TESK1: variants seen among roughly 807,000 people sequenced by gnomAD.
The protein encoded by TESK1 is dual specificity testis-specific protein kinase 1.
In TESK1, 18 loss-of-function variants were observed where a neutral mutation model predicts 59.9. The observed-to-expected ratio is 0.30, with a 90% CI of 0.21 to 0.45. TESK1 has a LOEUF of 0.45. Among genes scored for constraint, TESK1 ranks in the 20% least tolerant of loss-of-function variants. The pLI, the probability that TESK1 is intolerant of heterozygous loss-of-function variation, is 1.00. For missense variants in TESK1, 748 were observed against 840.9 expected, an observed-to-expected ratio of 0.89 and a Z score of 1.37; for synonymous variants, 341 against 357.4, an observed-to-expected ratio of 0.95 and a Z score of 0.52.
chr9:35,609,856 CGTG>C lies in TESK1; in HGVS notation c.*115_*117del. On this transcript the variant is annotated 3_prime_UTR_variant, in exon 10 of 10. Coordinates refer to ENST00000336395, the MANE Select transcript of TESK1 (RefSeq NM_006285.3). This position sits in a 1 kb window ranked among gnomAD's most constrained non-coding sequence, Gnocchi z 6.7. ...AGATGGGCTGACCGGCTCTTCTCCCCGTGTAGGGGAGCCCCAGCATGGACTCAA... is the reference window on the plus strand; with the variant it reads ...AGATGGGCTGACCGGCTCTTCTCCCCTAGGGGAGCCCCAGCATGGACTCAA... 7.8e-7 allele frequency: 1 copy of C among 1,277,968 alleles called. No individual in the cohort carries two copies. Among genetic ancestry groups the C allele is most frequent in the Non-Finnish European group, 1.0e-6 (1 of 957,808 alleles). 79.2% of individuals were successfully genotyped at this position (1,277,968 alleles called of 1,614,324 possible).
chr9:35,606,883 C>T lies in TESK1; in HGVS notation c.437C>T (p.Pro146Leu), dbSNP rs1822860185. 1.9e-6 allele frequency: 3 copies of T among 1,613,716 alleles called. No homozygotes were observed. The East Asian group carries it at 6.7e-5, about 36-fold the overall frequency. Residue 146 changes from proline (P) to leucine (L), a missense_variant, in exon 4 of 10, where the codon CCC (proline) becomes CTC (leucine). Transcript: ENST00000336395. ...GAACAGCTGCTCAGCTCCCCTGAAC[C>T]CCTGTCCTGGCCGGTCAGGCTCCAC... ...TLEQLLSSPE[P>L]LSWPVRLHLA...
Position 35,607,825 on chromosome 9 carries a change from C to T in TESK1, c.712-103C>T. The T allele has an allele frequency of 7.3e-7, 1 of 1,373,602 alleles. No individual in the cohort carries two copies. Among genetic ancestry groups the T allele is most frequent in the Non-Finnish European group, 1.0e-6 (1 of 983,858 alleles). The allele number at this position is 1,373,602 out of a possible 1,614,324, so 85.1% of individuals were successfully genotyped here. ...CAGGCACCCTTCTAACACATGAAAA[C>T]TGTCAAGATCCCCCACCCTCAACCA... On this transcript the variant is annotated intron_variant, in intron 6 of 9. Transcript: ENST00000336395. This position sits in a 1 kb window ranked among gnomAD's most constrained non-coding sequence, Gnocchi z 4.5.
rs1163792631 is a variant in TESK1, at chr9:35,605,483, C to T, written c.-137C>T. ...GCGGGGGCGGGTCCAGGATCTTCGG[C>T]GGATCTTCCATTCTCAGGGCGGGAG... On this transcript the variant is annotated 5_prime_UTR_variant, in exon 1 of 10. Coordinates refer to ENST00000336395, the MANE Select transcript of TESK1 (RefSeq NM_006285.3). The T allele has an allele frequency of 3.8e-6, 1 of 262,080 alleles. No individual in the cohort carries two copies. Among genetic ancestry groups the T allele is most frequent in the Non-Finnish European group, 7.1e-6 (1 of 141,514 alleles). 16.2% of individuals were successfully genotyped at this position (262,080 alleles called of 1,614,324 possible). A position where few individuals can be genotyped will look rare whatever the true frequency, so the allele number is the denominator to read the frequency against.
At position 35,609,230 on chromosome 9, in the gene TESK1, C is replaced by T. The variant is rs755094261; in HGVS notation, c.1369C>T (p.Pro457Ser). ...GGAGACAGCACTGCCAGGTCCTGGCCCTCCCGCTGTGGGCCCCTCGGCTGA... is the reference window on the plus strand; with the variant it reads ...GGAGACAGCACTGCCAGGTCCTGGCTCTCCCGCTGTGGGCCCCTCGGCTGA... ...RMETALPGPG[P>S]PAVGPSAEEK... The change falls in exon 10 of 10, where the codon CCT becomes TCT. Residue 457 changes from proline (P) to serine (S), a missense_variant. Coordinates refer to ENST00000336395, the MANE Select transcript of TESK1 (RefSeq NM_006285.3). The surrounding 1 kb of genome is among the most constrained non-coding windows in gnomAD (Gnocchi z 6.7). 1.4e-5 allele frequency: 23 copies of T among 1,613,974 alleles called. No homozygotes were observed. In the South Asian group the frequency reaches 2.3e-4, roughly 16 times the overall value.
rs571781197 is a variant in TESK1 at position 35,609,857 on chromosome 9, G to T, written c.*115G>T. Reference sequence around the variant, plus strand: ...GATGGGCTGACCGGCTCTTCTCCCCGTGTAGGGGAGCCCCAGCATGGACTC... The same window carrying T: ...GATGGGCTGACCGGCTCTTCTCCCCTTGTAGGGGAGCCCCAGCATGGACTC... On this transcript the variant is annotated 3_prime_UTR_variant, in exon 10 of 10. Transcript: ENST00000336395. The surrounding 1 kb of genome is among the most constrained non-coding windows in gnomAD (Gnocchi z 6.7). The T allele has an allele frequency of 9.6e-6, 12 of 1,246,062 alleles. No individual in the cohort carries two copies. Among genetic ancestry groups the T allele is most frequent in the Admixed American group, 2.9e-5 (1 of 34,372 alleles). The allele number at this position is 1,246,062 out of a possible 1,614,324, so 77.2% of individuals were successfully genotyped here.
rs753224133 is a variant in TESK1 at position 35,607,700 on chromosome 9, A to C, written c.711+28A>C. On this transcript the variant is annotated intron_variant, in intron 6 of 9. Coordinates refer to ENST00000336395, the MANE Select transcript of TESK1 (RefSeq NM_006285.3). This position sits in a 1 kb window ranked among gnomAD's most constrained non-coding sequence, Gnocchi z 4.5. The stretch of plus-strand genomic sequence containing the variant: ...GAGACATCAACCCTTCAGATCCCCA[A>C]GGCCTTCCGAGACCCTTGAGGTATT... The C allele has an allele frequency of 1.3e-6, 2 of 1,579,458 alleles. No homozygotes were observed. The highest frequency in any genetic ancestry group is 3.4e-5 in the Admixed American group (2 of 59,642).
Position 35,607,308 on chromosome 9 carries a change from C to A in TESK1, c.538-19C>A. 6.2e-7 allele frequency: 1 copy of A among 1,613,310 alleles called. No homozygotes were observed. The highest frequency in any genetic ancestry group is 8.5e-7 in the Non-Finnish European group (1 of 1,179,342). On this transcript the variant is annotated intron_variant, in intron 4 of 9. Transcript: ENST00000336395. This position sits in a 1 kb window ranked among gnomAD's most constrained non-coding sequence, Gnocchi z 4.5. The stretch of plus-strand genomic sequence containing the variant: ...AGAAGGTGATGAGTGCGTGGGGATA[C>A]TATGTGTGTGTGTGTCAGAACTGTC...
rs1691730707 is a variant in TESK1 at position 35,607,493 on chromosome 9, G to A, written c.620+84G>A. On this transcript the variant is annotated intron_variant, in intron 5 of 9. Transcript: ENST00000336395. This position sits in a 1 kb window ranked among gnomAD's most constrained non-coding sequence, Gnocchi z 4.5. Reference sequence around the variant, plus strand: ...CAGAGCCCCAGGGATGTTTCCCTTGGGGAACGGAGGGAGTTCACCTCATCC... The same window carrying A: ...CAGAGCCCCAGGGATGTTTCCCTTGAGGAACGGAGGGAGTTCACCTCATCC... 6 of 1,588,878 alleles carry A rather than the reference G, an allele frequency of 3.8e-6. No individual in the cohort carries two copies. Among genetic ancestry groups the A allele is most frequent in the Non-Finnish European group, 5.2e-6 (6 of 1,157,686 alleles).
At chr9:35,605,871 C>T (rs1375981731) in intron 1 of TESK1, 33 bp downstream of exon 1, 3 of 1,607,134 alleles carry the variant, frequency 1.9e-6, no homozygotes, top group Non-Finnish European at 2.5e-6. Context: ...AGGGGCGGGA[C>T]CGAGCCTTCA....
chr9:35,606,195 C>T, intron 2 of TESK1, 42 bp from the exon 3 acceptor site: 1 of 1,614,124 alleles, frequency 6.2e-7, no homozygotes, highest in African/African-American at 1.3e-5. Flanking sequence ...GGAGCTGAGG[C>T]CTTTAATAGC....
Position 35,607,161 on chromosome 9 carries a change from G to C in TESK1, c.538-166G>C. On this transcript the variant is annotated intron_variant, in intron 4 of 9. Coordinates refer to ENST00000336395, the MANE Select transcript of TESK1 (RefSeq NM_006285.3). The surrounding 1 kb of genome is among the most constrained non-coding windows in gnomAD (Gnocchi z 4.5). ...GCTCGGAGGGACTGAGTAGCACCCT[G>C]TGTTTGGAGTGTTGGATGATGTTGC... 2.5e-6 allele frequency: 3 copies of C among 1,214,060 alleles called. No homozygotes were observed. The highest frequency in any genetic ancestry group is 3.5e-6 in the Non-Finnish European group (3 of 861,210). The allele number at this position is 1,214,060 out of a possible 1,614,324, so 75.2% of individuals were successfully genotyped here.
chr9:35,609,617 C>T lies in TESK1; in HGVS notation c.1756C>T (p.Arg586Cys), dbSNP rs373777485. 4.0e-5 allele frequency: 64 copies of T among 1,611,150 alleles called. No homozygotes were observed. The highest frequency in any genetic ancestry group is 9.3e-5 in the African/African-American group (7 of 74,946). Residue 586 changes from arginine to cysteine, a missense_variant, in exon 10 of 10, where the codon CGC (arginine) becomes TGC (cysteine). This residue lies in a region of TESK1 where 447 missense variants were observed against 466.1 expected (regional missense o/e 0.96). Transcript: ENST00000336395. The surrounding 1 kb of genome is among the most constrained non-coding windows in gnomAD (Gnocchi z 6.7). The part of the protein sequence containing the change: ...FSFGFLSMCP[R>C]PTPAVARYRN... ...CTTTGGCTTCCTGTCCATGTGCCCC[C>T]GCCCCACACCAGCTGTTGCCCGCTA...
chr9:35,608,572 AG>A (rs1194978298), intron 9 of TESK1, 63 bp downstream of exon 9: 1 of 1,428,268 alleles, frequency 7.0e-7, no homozygotes, highest in Non-Finnish European at 9.7e-7. Context: ...TAGAATTCAG[AG>A]GTGACATGGG....
intron 3 of TESK1, 87 bp downstream of exon 3, chr9:35,606,372 G>A (rs1273943073): frequency 1.9e-5 from 29 of 1,515,452 alleles, no homozygotes; most frequent in Non-Finnish European, 2.6e-5. Flanking sequence ...ATCTACGGAG[G>A]ACTAGTGAGA....
chr9:35,607,533 G>C lies in TESK1; in HGVS notation c.621-49G>C. 3.8e-6 allele frequency: 6 copies of C among 1,584,508 alleles called. No homozygotes were observed. The highest frequency in any genetic ancestry group is 5.2e-6 in the Non-Finnish European group (6 of 1,153,800). On this transcript the variant is annotated intron_variant, in intron 5 of 9. Transcript: ENST00000336395. The surrounding 1 kb of genome is among the most constrained non-coding windows in gnomAD (Gnocchi z 4.5). ...TCACCTCATCCCCTTTTGCCTGGGG[G>C]GGATGCCTGAATAGGATGCTTCTGA...
rs779635581 is a variant in TESK1 at position 35,605,688 on chromosome 9, C to T, written c.69C>T (p.Pro23=). 2 of 1,463,404 alleles carry T rather than the reference C, an allele frequency of 1.4e-6. No individual in the cohort carries two copies. Among genetic ancestry groups the T allele is most frequent in the Non-Finnish European group, 1.8e-6 (2 of 1,110,284 alleles). 90.7% of individuals were successfully genotyped at this position (1,463,404 alleles called of 1,614,324 possible). A position where few individuals can be genotyped will look rare whatever the true frequency, so the allele number is the denominator to read the frequency against. The part of the protein sequence containing the change: ...PGPGEVPGEG[P]PGPGGTGGGP... ...CTGGAGAGGTGCCGGGGGAGGGGCC[C>T]CCGGGGCCGGGGGGCACGGGCGGAG... Residue 23 remains proline (P), a synonymous_variant, in exon 1 of 10, where the codon CCC becomes CCT. Coordinates refer to ENST00000336395, the MANE Select transcript of TESK1 (RefSeq NM_006285.3).
At position 35,605,573 on chromosome 9, in the gene TESK1, C is replaced by A. The variant is rs1214607392; in HGVS notation, c.-47C>A. ...CATGGCAAGCGCGGCCTGCCCGGGCCCTGGGGACCCTGCCATGTGAGGCAG... is the reference window on the plus strand; with the variant it reads ...CATGGCAAGCGCGGCCTGCCCGGGCACTGGGGACCCTGCCATGTGAGGCAG... On this transcript the variant is annotated 5_prime_UTR_variant, in exon 1 of 10. Coordinates refer to ENST00000336395, the MANE Select transcript of TESK1 (RefSeq NM_006285.3). The A allele has an allele frequency of 1.6e-6, 1 of 621,354 alleles. No individual in the cohort carries two copies. Among genetic ancestry groups the A allele is most frequent in the Non-Finnish European group, 2.2e-6 (1 of 450,284 alleles). 38.5% of individuals were successfully genotyped at this position (621,354 alleles called of 1,614,324 possible).
Position 35,608,322 on chromosome 9 carries a change from C to T in TESK1, c.885+73C>T, listed in dbSNP as rs570000255. Reference sequence around the variant, plus strand: ...GCTGCCATGGCTGCCCTGTGGGACCCAGGTGATGGGAGGAAACTCAGAGAC... The same window carrying T: ...GCTGCCATGGCTGCCCTGTGGGACCTAGGTGATGGGAGGAAACTCAGAGAC... On this transcript the variant is annotated intron_variant, in intron 8 of 9. Coordinates refer to ENST00000336395, the MANE Select transcript of TESK1 (RefSeq NM_006285.3). 403 of 1,608,922 alleles carry T rather than the reference C, an allele frequency of 2.5e-4. 2 individuals carry two copies. The highest frequency in any genetic ancestry group is 1.3e-3 in the African/African-American group (101 of 74,952).
chr9:35,607,566 GC>G lies in TESK1; in HGVS notation c.621-12del. 1.2e-6 allele frequency: 2 copies of G among 1,607,178 alleles called. No homozygotes were observed. The highest frequency in any genetic ancestry group is 1.7e-6 in the Non-Finnish European group (2 of 1,173,944). ...TGAATAGGATGCTTCTGACCACTCTGCCCCTGCCCCTGCAGGGAGGGGGCAA... is the reference window on the plus strand; with the variant it reads ...TGAATAGGATGCTTCTGACCACTCTGCCCTGCCCCTGCAGGGAGGGGGCAA... On this transcript the variant is annotated splice_polypyrimidine_tract_variant and intron_variant, in intron 5 of 9. Transcript: ENST00000336395. The surrounding 1 kb of genome is among the most constrained non-coding windows in gnomAD (Gnocchi z 4.5).
Sources: gnomAD v4.1 joint callset for allele counts on GRCh38, gnomAD v4.1.1 for gene constraint, gnomAD v4.1.1 regional missense constraint, Gnocchi (gnomAD v3.1) non-coding constraint, MANE v1.5 for transcripts, NCBI Gene and HGNC (gene_info 2026-07-23, HGNC 2026-07-21) for gene names.